OSBPL3: variants seen among roughly 807,000 people sequenced by gnomAD.
The protein encoded by OSBPL3 is oxysterol binding protein like 3.
OSBPL3 carries 65 observed loss-of-function variants against 120.1 expected under a neutral mutation model. That is an observed-to-expected ratio of 0.54 (90% CI 0.44 to 0.67). OSBPL3 has a LOEUF of 0.67. Among genes scored for constraint, OSBPL3 ranks in the 30% least tolerant of loss-of-function variants. The probability of loss-of-function intolerance (pLI) is 0.00; values close to 1 mark genes in which losing one functional copy is unlikely to be tolerated. For missense variants in OSBPL3, 1,004 were observed against 1,082.1 expected (o/e 0.93, Z 1.01); for synonymous variants, 416 against 402.6 (o/e 1.03, Z -0.40).
chr7:24,873,324 G>C lies in OSBPL3; in HGVS notation c.97-1255C>G, dbSNP rs1415535181. On this transcript the variant is annotated intron_variant, in intron 2 of 22. Coordinates refer to ENST00000313367, the MANE Select transcript of OSBPL3 (RefSeq NM_015550.4). This position sits in a 1 kb window ranked among gnomAD's most constrained non-coding sequence, Gnocchi z 4.1. ...CCACACAGGGTCCTGAGTGGCTCTG[G>C]CTCAGTTTCTGTGTTGTCCTCAAGT... Among the ~76,000 whole-genome samples the C allele has an allele frequency of 1.3e-5, 2 of 152,180 alleles. No individual in the cohort carries two copies. The highest frequency in any genetic ancestry group is 4.8e-5 in the African/African-American group (2 of 41,438).
chr7:24,971,361 A>C lies in OSBPL3; in HGVS notation c.-150+8525T>G, dbSNP rs547426044. ...ATGAAGCCAAAGAAAATGTATTAGA[A>C]AACAAATCAGTTCAAGGAACTAAGA... On this transcript the variant is annotated intron_variant, in intron 1 of 22. Coordinates refer to ENST00000313367, the MANE Select transcript of OSBPL3 (RefSeq NM_015550.4). Among the ~76,000 whole-genome samples the C allele has an allele frequency of 1.6e-4, 24 of 152,378 alleles. No homozygotes were observed. The South Asian group carries it at 5.0e-3, about 32-fold the overall frequency.
Position 24,815,832 on chromosome 7 carries a change from T to C in OSBPL3, c.2028-629A>G, listed in dbSNP as rs1164411045. ...ATGGGGAAACTGGTGATGAGAAAGGTGAAGTAACTTGCCCAGGGATTCGCT... is the reference window on the plus strand; with the variant it reads ...ATGGGGAAACTGGTGATGAGAAAGGCGAAGTAACTTGCCCAGGGATTCGCT... On this transcript the variant is annotated intron_variant, in intron 18 of 22. Coordinates refer to ENST00000313367, the MANE Select transcript of OSBPL3 (RefSeq NM_015550.4). This position sits in a 1 kb window ranked among gnomAD's most constrained non-coding sequence, Gnocchi z 5.1. Among the ~76,000 whole-genome samples, 1 of 152,110 alleles carries C rather than the reference T, an allele frequency of 6.6e-6. No homozygotes were observed. Among genetic ancestry groups the C allele is most frequent in the Non-Finnish European group, 1.5e-5 (1 of 68,002 alleles).
chr7:24,871,674 C>A lies in OSBPL3; in HGVS notation c.267+68G>T. 8.9e-7 allele frequency: 1 copy of A among 1,127,412 alleles called. No homozygotes were observed. The highest frequency in any genetic ancestry group is 1.3e-5 in the South Asian group (1 of 77,504). 69.8% of individuals were successfully genotyped at this position (1,127,412 alleles called of 1,614,324 possible). A position where few individuals can be genotyped will look rare whatever the true frequency, so the allele number is the denominator to read the frequency against. On this transcript the variant is annotated intron_variant, in intron 4 of 22. Coordinates refer to ENST00000313367, the MANE Select transcript of OSBPL3 (RefSeq NM_015550.4). This position sits in a 1 kb window ranked among gnomAD's most constrained non-coding sequence, Gnocchi z 4.8. ...AGCTATCCTCAACTATACACACTCT[C>A]ATCTCTGAGCTGATGGTTACCCCTT... is the stretch of plus-strand genomic sequence containing the variant.
intron 1 of OSBPL3, among the ~76,000 whole-genome samples, chr7:24,963,344 C>A (rs1003932961): frequency 5.9e-5 from 9 of 152,350 alleles, no homozygotes; most frequent in African/African-American, 2.2e-4. Flanking sequence ...AGAGGCCAGT[C>A]ATGTGGTCAA....
chr7:24,804,491 A>C lies in OSBPL3; in HGVS notation c.2445-54T>G, dbSNP rs572916931. 2.6e-6 allele frequency: 4 copies of C among 1,549,832 alleles called. No individual in the cohort carries two copies. Among genetic ancestry groups the C allele is most frequent in the African/African-American group, 2.7e-5 (2 of 73,006 alleles). On this transcript the variant is annotated intron_variant, in intron 21 of 22. Transcript: ENST00000313367. The surrounding 1 kb of genome is among the most constrained non-coding windows in gnomAD (Gnocchi z 5.4). ...GGATATGAATTCAAGAAAACAAAAC[A>C]ATCATTACTACTCAACTTGCATGTG... is the stretch of plus-strand genomic sequence containing the variant.
rs1812415440 is a variant in OSBPL3 at position 24,936,299 on chromosome 7, T to G, written c.-150+43587A>C. On this transcript the variant is annotated intron_variant, in intron 1 of 22. Coordinates refer to ENST00000313367, the MANE Select transcript of OSBPL3 (RefSeq NM_015550.4). The surrounding 1 kb of genome is among the most constrained non-coding windows in gnomAD (Gnocchi z 4.2). ...GCTGTTACTTAGGGCTAACTTTTCC[T>G]CTCACAATCCACAAACATGAATACG... Among the ~76,000 whole-genome samples, 1 of 152,188 alleles carries G rather than the reference T, an allele frequency of 6.6e-6. No individual in the cohort carries two copies. Among genetic ancestry groups the G allele is most frequent in the Non-Finnish European group, 1.5e-5 (1 of 68,028 alleles).
intron 13 of OSBPL3, among the ~76,000 whole-genome samples, chr7:24,841,314 TTA>T (rs1292310280): frequency 6.6e-6 from 1 of 151,354 alleles, no homozygotes; most frequent in Non-Finnish European, 1.5e-5. Context: ...AAAAATATAA[TTA>T]TATATTATAA....
intron 1 of OSBPL3, among the ~76,000 whole-genome samples, chr7:24,931,604 T>G (rs767310310): frequency 1.3e-5 from 2 of 152,100 alleles, no homozygotes; most frequent in African/African-American, 4.8e-5. Flanking sequence ...AAAAGAACAA[T>G]GCCCGTTGAC....
chr7:24,844,352 A>G (rs563579581), intron 12 of OSBPL3, among the ~76,000 whole-genome samples: 3 of 151,900 alleles, frequency 2.0e-5, no homozygotes, highest in African/African-American at 7.2e-5. Context: ...AAACTTTGTT[A>G]AAATATTATG....
Position 24,863,781 on chromosome 7 carries a change from T to C in OSBPL3, c.674-182A>G, listed in dbSNP as rs765843044. On this transcript the variant is annotated intron_variant, in intron 7 of 22. Coordinates refer to ENST00000313367, the MANE Select transcript of OSBPL3 (RefSeq NM_015550.4). This position sits in a 1 kb window ranked among gnomAD's most constrained non-coding sequence, Gnocchi z 5.8. ...CTGTAGACTCTAGTGGTTAAGGGCA[T>C]GAATCTTGAGAACCAGGCTGCTTCA... 3.3e-5 allele frequency among the ~76,000 whole-genome samples: 5 copies of C among 152,206 alleles called. No homozygotes were observed. The highest frequency in any genetic ancestry group is 7.3e-5 in the Non-Finnish European group (5 of 68,040).
rs150754739 is a variant in OSBPL3 at position 24,893,018 on chromosome 7, A to T, written c.-149-397T>A. Among the ~76,000 whole-genome samples the T allele has an allele frequency of 2.2e-3, 329 of 152,338 alleles. 2 individuals are homozygous for T. The highest frequency in any genetic ancestry group is 7.3e-3 in the African/African-American group (305 of 41,582). ...TGGAACCCTCAGACATTGCTGGTGG[A>T]ACTGTAAAATGGCATAGCCGTGGTG... On this transcript the variant is annotated intron_variant, in intron 1 of 22. Coordinates refer to ENST00000313367, the MANE Select transcript of OSBPL3 (RefSeq NM_015550.4).
rs1012393240 is a variant in OSBPL3, at chr7:24,883,511, G to A, written c.96+8866C>T. ...CTGTGCTCTCAACCAGAGCATCTGG[G>A]CCAGGGTTCTGCCTTCCTGTATCTT... On this transcript the variant is annotated intron_variant, in intron 2 of 22. Transcript: ENST00000313367. This position sits in a 1 kb window ranked among gnomAD's most constrained non-coding sequence, Gnocchi z 5.4. 6.6e-6 allele frequency among the ~76,000 whole-genome samples: 1 copy of A among 152,118 alleles called. No homozygotes were observed. The highest frequency in any genetic ancestry group is 1.5e-5 in the Non-Finnish European group (1 of 68,018).
At chr7:24,979,506 T>C (rs2128555917) in intron 1 of OSBPL3, among the ~76,000 whole-genome samples, 1 of 152,200 alleles carries the variant, frequency 6.6e-6, no homozygotes, top group African/African-American at 2.4e-5. Context: ...TCGCCCCAAT[T>C]TACCAGGCTT....
At position 24,849,089 on chromosome 7, in the gene OSBPL3, A is replaced by C. The variant is rs1584363490; in HGVS notation, c.1246T>G (p.Ser416Ala). ...CCCACCTCTGCCAGATTGTCACCCGACTTGGCGACAGCGGGGGAGTCGAGG... is the reference window on the plus strand; with the variant it reads ...CCCACCTCTGCCAGATTGTCACCCGCCTTGGCGACAGCGGGGGAGTCGAGG... ...LLLDSPAVAK[S>A]GDNLAEENSR... Residue 416 changes from serine (S) to alanine (A), a missense_variant, in exon 12 of 23, where the codon TCG becomes GCG. Around this residue, in one of 4 missense-constraint regions of OSBPL3, gnomAD observed 272 missense variants for 248.8 expected, o/e 1.09. Coordinates refer to ENST00000313367, the MANE Select transcript of OSBPL3 (RefSeq NM_015550.4). The surrounding 1 kb of genome is among the most constrained non-coding windows in gnomAD (Gnocchi z 5.4). The C allele has an allele frequency of 6.2e-7, 1 of 1,613,662 alleles. No individual in the cohort carries two copies. Among genetic ancestry groups the C allele is most frequent in the South Asian group, 1.1e-5 (1 of 91,064 alleles).
In OSBPL3 at chr7:24,801,348, T is replaced by C. The variant is rs184382160; in HGVS notation, c.2568-1069A>G. Among the ~76,000 whole-genome samples, 381 of 152,002 alleles carry C rather than the reference T, an allele frequency of 2.5e-3. 6 individuals are homozygous for C. The highest frequency in any genetic ancestry group is 4.6e-3 in the East Asian group (24 of 5,164). Reference sequence around the variant, plus strand: ...AGAGAATATATGACACAGACCAAATTCAAAGGGCGCAAAAGGGTATACAGC... The same window carrying C: ...AGAGAATATATGACACAGACCAAATCCAAAGGGCGCAAAAGGGTATACAGC... On this transcript the variant is annotated intron_variant, in intron 22 of 22. Transcript: ENST00000313367.
chr7:24,816,799 A>C, intron 17 of OSBPL3, 111 bp from the exon 18 acceptor site: 1 of 739,680 alleles, frequency 1.4e-6, no homozygotes, highest in East Asian at 2.6e-5. Flanking sequence ...CTTCACAATC[A>C]AGTCAATTAT....
intron 1 of OSBPL3, among the ~76,000 whole-genome samples, chr7:24,915,093 G>A (rs1437756503): frequency 1.3e-5 from 2 of 152,184 alleles, no homozygotes; most frequent in African/African-American, 4.8e-5. Context: ...AGTCAGCCAA[G>A]TGCCTTTTCA....
intron 1 of OSBPL3, among the ~76,000 whole-genome samples, chr7:24,956,901 C>T (rs1180865249): frequency 2.0e-5 from 3 of 151,982 alleles, no homozygotes; most frequent in African/African-American, 7.3e-5. Context: ...CTTTGTTCTA[C>T]TGAATTTCTA....
Position 24,854,208 on chromosome 7 carries a change from A to G in OSBPL3, c.1028-1574T>C, listed in dbSNP as rs966200670. Among the ~76,000 whole-genome samples, 3 of 152,080 alleles carry G rather than the reference A, an allele frequency of 2.0e-5. No homozygotes were observed. The highest frequency in any genetic ancestry group is 7.2e-5 in the African/African-American group (3 of 41,386). ...TATTATCTTTCCAATCTCCTTTATA[A>G]TATTTTGTTTTAGAAGAGCAGGAAG... On this transcript the variant is annotated intron_variant, in intron 10 of 22. Transcript: ENST00000313367. This position sits in a 1 kb window ranked among gnomAD's most constrained non-coding sequence, Gnocchi z 4.1.
Sources: allele counts gnomAD v4.1 joint callset (sites outside exome capture counted in the v4.1 genomes callset), GRCh38; gene constraint gnomAD v4.1.1; regional missense constraint gnomAD v4.1.1; non-coding constraint Gnocchi (gnomAD v3.1); transcripts MANE v1.5; gene names NCBI Gene and HGNC (gene_info 2026-07-23, HGNC 2026-07-21).